ST3GAL1: variants seen among roughly 807,000 people sequenced by gnomAD.
ST3GAL1 encodes ST3 beta-galactoside alpha-2,3-sialyltransferase 1.
Under a neutral mutation model 34.1 loss-of-function variants are expected in ST3GAL1, and 16 were observed. That is an observed-to-expected ratio of 0.47 (90% confidence interval 0.32 to 0.71). The LOEUF (loss-of-function observed/expected upper bound fraction) is 0.71. ST3GAL1 is among the 30% of genes least tolerant of loss of function. The probability of loss-of-function intolerance (pLI) is 0.04; values close to 1 mark genes in which losing one functional copy is unlikely to be tolerated. For synonymous variants in ST3GAL1, 191 were observed against 184.7 expected, an observed-to-expected ratio of 1.03 and a Z score of -0.28; for missense variants, 353 against 447.4, an observed-to-expected ratio of 0.79 and a Z score of 1.90.
chr8:133,493,905 G>A (rs1394080887), intron 3 of ST3GAL1, among the ~76,000 whole-genome samples: 1 of 150,970 alleles, frequency 6.6e-6, no homozygotes, highest in Non-Finnish European at 1.5e-5. Context: ...TTGCCTCTCT[G>A]GGGTTCTGAC....
chr8:133,549,147 T>C (rs1306449501), intron 1 of ST3GAL1, among the ~76,000 whole-genome samples: 2 of 152,232 alleles, frequency 1.3e-5, no homozygotes, highest in African/African-American at 4.8e-5. Flanking sequence ...ACGCCTGTAA[T>C]CCCAGCACTT....
At chr8:133,503,238 G>A (rs945457206) in intron 2 of ST3GAL1, among the ~76,000 whole-genome samples, 19 of 151,934 alleles carry the variant, frequency 1.3e-4, no homozygotes, top group South Asian at 2.1e-4. Context: ...GTATTCTAAC[G>A]CCCCCCAACA....
intron 3 of ST3GAL1, among the ~76,000 whole-genome samples, chr8:133,497,848 C>T (rs999256070): frequency 6.6e-6 from 1 of 152,104 alleles, no homozygotes; most frequent in African/African-American, 2.4e-5. Context: ...GGAAGGGATA[C>T]TAGAGGTGAG....
chr8:133,555,862 T>G (rs1304981102), intron 1 of ST3GAL1, among the ~76,000 whole-genome samples: 1 of 152,026 alleles, frequency 6.6e-6, no homozygotes, highest in African/African-American at 2.4e-5. Context: ...CTACCCATTT[T>G]TTTTGTTGTT....
chr8:133,551,546 GAAAGAAA>G (rs1818847409), intron 1 of ST3GAL1, among the ~76,000 whole-genome samples: 5 of 9,086 alleles, frequency 5.5e-4, no homozygotes, highest in African/African-American at 1.7e-3. Context: ...GAGAAGGAAA[GAAAGAAA>G]GAAAGAAAGA....
At chr8:133,472,702 G>A (rs1001599791) in intron 5 of ST3GAL1, among the ~76,000 whole-genome samples, 2 of 152,154 alleles carry the variant, frequency 1.3e-5, no homozygotes, top group Non-Finnish European at 2.9e-5. Flanking sequence ...TTTCCAGAGG[G>A]TGAAGCCCCA....
chr8:133,543,522 G>C (rs772667984), intron 2 of ST3GAL1, among the ~76,000 whole-genome samples: 1 of 152,074 alleles, frequency 6.6e-6, no homozygotes, highest in Non-Finnish European at 1.5e-5. Context: ...TGAAAACCTG[G>C]ACGAAGGAGG....
At chr8:133,568,961 G>T (rs915991981) in intron 1 of ST3GAL1, among the ~76,000 whole-genome samples, 1 of 152,226 alleles carries the variant, frequency 6.6e-6, no homozygotes, top group African/African-American at 2.4e-5. Flanking sequence ...CCAGGGAAGG[G>T]GGGCAGTACA....
chr8:133,566,048 C>T (rs1819389402), intron 1 of ST3GAL1, among the ~76,000 whole-genome samples: 1 of 152,246 alleles, frequency 6.6e-6, no homozygotes, highest in Admixed American at 6.5e-5. Context: ...AGGGCTCCCT[C>T]CAGGTGGCTT....
At chr8:133,463,206 G>A (rs938028586) in intron 8 of ST3GAL1, among the ~76,000 whole-genome samples, 6 of 152,342 alleles carry the variant, frequency 3.9e-5, no homozygotes, top group South Asian at 2.1e-4. Flanking sequence ...ACAAACTCCC[G>A]GGTGATGCTG....
At chr8:133,507,439 T>C (rs1325814448) in intron 2 of ST3GAL1, among the ~76,000 whole-genome samples, 2 of 152,296 alleles carry the variant, frequency 1.3e-5, no homozygotes, top group African/African-American at 4.8e-5. Context: ...TGGCTTCGAG[T>C]CCTGGCACTG....
At chr8:133,473,615 C>T (rs1254118482) in intron 5 of ST3GAL1, among the ~76,000 whole-genome samples, 1 of 152,198 alleles carries the variant, frequency 6.6e-6, no homozygotes, top group Non-Finnish European at 1.5e-5. Flanking sequence ...GTGAAGCCAC[C>T]TCTGCCATCA....
chr8:133,567,645 A>G (rs568914194), intron 1 of ST3GAL1, among the ~76,000 whole-genome samples: 1 of 152,234 alleles, frequency 6.6e-6, no homozygotes, highest in Admixed American at 6.5e-5. Context: ...AACTTCTGGG[A>G]CTGCTTTCAA....
chr8:133,538,517 A>AAAAT (rs1412459381), intron 2 of ST3GAL1, among the ~76,000 whole-genome samples: 15 of 152,326 alleles, frequency 9.8e-5, no homozygotes, highest in South Asian at 8.3e-4. Context: ...TCCATCTCAA[A>AAAAT]AAATAAATAA....
chr8:133,566,031 C>T (rs1382111474), intron 1 of ST3GAL1, among the ~76,000 whole-genome samples: 10 of 152,268 alleles, frequency 6.6e-5, no homozygotes, highest in South Asian at 2.1e-4. Context: ...AGCCAGGCCA[C>T]ATAGGAAGGG....
chr8:133,477,178 C>A (rs920030877), intron 3 of ST3GAL1, among the ~76,000 whole-genome samples: 1 of 152,158 alleles, frequency 6.6e-6, no homozygotes, highest in Non-Finnish European at 1.5e-5. Flanking sequence ...TCTTCTTCTG[C>A]AAAGTGGGAT....
chr8:133,541,292 T>C (rs1209985958), intron 2 of ST3GAL1, among the ~76,000 whole-genome samples: 4 of 151,752 alleles, frequency 2.6e-5, no homozygotes, highest in Non-Finnish European at 5.9e-5. Context: ...TCTGCATGTT[T>C]GCTGGGAGCT....
At chr8:133,479,139 A>G (rs536980058) in intron 3 of ST3GAL1, among the ~76,000 whole-genome samples, 12 of 152,358 alleles carry the variant, frequency 7.9e-5, no homozygotes, top group Admixed American at 5.2e-4. Context: ...CAGCCCATCA[A>G]GGTTGTCCAT....
intron 3 of ST3GAL1, among the ~76,000 whole-genome samples, chr8:133,497,623 C>G (rs1817004877): frequency 6.6e-6 from 1 of 151,966 alleles, no homozygotes; most frequent in Admixed American, 6.6e-5. Context: ...CAGGAGCCCG[C>G]CACCATGCCT....
Sources: allele counts gnomAD v4.1 joint callset (sites outside exome capture counted in the v4.1 genomes callset), GRCh38; gene constraint gnomAD v4.1.1; transcripts MANE v1.5; gene names NCBI Gene and HGNC (gene_info 2026-07-23, HGNC 2026-07-21).